The following ASAP2 variants were observed in gnomAD, a reference collection of about 807,000 sequenced individuals.
ASAP2 encodes ArfGAP with SH3 domain, ankyrin repeat and PH domain 2, also known as arf-GAP with SH3 domain, ANK repeat and PH domain-containing protein 2.
A neutral mutation model predicts 131.4 loss-of-function variants in ASAP2; 45 were observed. The ratio of observed to expected loss-of-function variants is 0.34; its 90% CI spans 0.27 to 0.44. The LOEUF (loss-of-function observed/expected upper bound fraction) is 0.44. ASAP2 is among the 20% of genes least tolerant of loss of function. ASAP2 has a pLI of 1.00. For synonymous variants in ASAP2, 510 were observed against 503.0 expected, an observed-to-expected ratio of 1.01 and a Z score of -0.19; for missense variants, 1,011 against 1,297.0, an observed-to-expected ratio of 0.78 and a Z score of 3.39.
At chr2:9,377,574 C>T (rs1466564198) in intron 18 of ASAP2, among the ~76,000 whole-genome samples, 1 of 152,186 alleles carries the variant, frequency 6.6e-6, no homozygotes, top group African/African-American at 2.4e-5. Flanking sequence ...GTGTTACCTG[C>T]CTGGCAGCTG....
At chr2:9,323,004 G>T in intron 5 of ASAP2, 117 bp from the exon 6 acceptor site, 1 of 1,271,190 alleles carries the variant, frequency 7.9e-7, no homozygotes, top group Non-Finnish European at 1.1e-6. Flanking sequence ...GGCTGCCTGT[G>T]CTGAAACGTG....
intron 24 of ASAP2, 139 bp from the exon 25 acceptor site, chr2:9,399,884 A>G (rs1676477960): frequency 2.5e-6 from 2 of 792,824 alleles, no homozygotes; most frequent in South Asian, 1.7e-5. Context: ...CCCATAAAAA[A>G]GAGACAGCTA....
intron 1 of ASAP2, among the ~76,000 whole-genome samples, chr2:9,240,688 A>C (rs986942850): frequency 6.6e-5 from 10 of 152,146 alleles, no homozygotes; most frequent in African/African-American, 2.4e-4. Context: ...TAGAAGACCC[A>C]CTTTTCCCTT....
At position 9,261,526 on chromosome 2, in the gene ASAP2, A is replaced by G. The variant is rs529782736; in HGVS notation, c.127-17791A>G. 2.4e-3 allele frequency among the ~76,000 whole-genome samples: 359 copies of G among 152,336 alleles called. 1 individual carries two copies. Among genetic ancestry groups the G allele is most frequent in the African/African-American group, 8.1e-3 (336 of 41,578 alleles). ...TGTATGGTAGTTGGAGTTGGGCCCT[A>G]GGTGTGATTTTAGAGTACACACCTA... On this transcript the variant is annotated intron_variant, in intron 1 of 27. Transcript: ENST00000281419.
chr2:9,223,692 C>G (rs1213621149), intron 1 of ASAP2, among the ~76,000 whole-genome samples: 1 of 152,290 alleles, frequency 6.6e-6, no homozygotes, highest in East Asian at 1.9e-4. Flanking sequence ...TTTTGTTTCC[C>G]TGTAGGTCAG....
chr2:9,400,207 C>CCTCCTGCCCCCTCCT, intron 25 of ASAP2, 135 bp downstream of exon 25: 1 of 878,258 alleles, frequency 1.1e-6, no homozygotes, highest in African/African-American at 1.7e-5. Context: ...TGCCCCCTCC[C>CCTCCTGCCCCCTCCT]CTCCTGCCCC....
At chr2:9,379,498 T>C (rs1364075162) in intron 19 of ASAP2, among the ~76,000 whole-genome samples, 1 of 152,138 alleles carries the variant, frequency 6.6e-6, no homozygotes, top group Admixed American at 6.5e-5. Context: ...GCACCACTGC[T>C]TCCTCCATGA....
chr2:9,234,131 A>G lies in ASAP2; in HGVS notation c.126+26901A>G, dbSNP rs991473010. ...GTCTCAAAAAAAAAAAAAAAAAAAA[A>G]GGAAGAGGGGAGTGGTTCACAGAGG... On this transcript the variant is annotated intron_variant, in intron 1 of 27. Coordinates refer to ENST00000281419, the MANE Select transcript of ASAP2 (RefSeq NM_003887.3). 2.8e-5 allele frequency among the ~76,000 whole-genome samples: 4 copies of G among 141,864 alleles called. No individual in the cohort carries two copies. The South Asian group carries it at 6.8e-4, about 24-fold the overall frequency. 93.1% of individuals were successfully genotyped at this position (141,864 alleles called of 152,430 possible). A position where few individuals can be genotyped will look rare whatever the true frequency, so the allele number is the denominator to read the frequency against.
intron 1 of ASAP2, among the ~76,000 whole-genome samples, chr2:9,276,576 T>C (rs1015593452): frequency 6.6e-6 from 1 of 152,086 alleles, no homozygotes; most frequent in Admixed American, 6.5e-5. Context: ...CTCACCCTGT[T>C]GCCCAGGCTG....
At chr2:9,327,936 C>G in intron 7 of ASAP2, 25 bp downstream of exon 7, 1 of 1,527,026 alleles carries the variant, frequency 6.5e-7, no homozygotes, top group East Asian at 2.5e-5. Flanking sequence ...GTTATGTTAT[C>G]TTAAATGTTT....
At chr2:9,380,900 G>T in intron 20 of ASAP2, 92 bp downstream of exon 20, 2 of 1,352,966 alleles carry the variant, frequency 1.5e-6, no homozygotes, top group Non-Finnish European at 2.1e-6. Context: ...CTGTGAACCA[G>T]TGTCCTGAGC....
At chr2:9,244,416 G>A (rs1664194061) in intron 1 of ASAP2, among the ~76,000 whole-genome samples, 1 of 152,236 alleles carries the variant, frequency 6.6e-6, no homozygotes, top group African/African-American at 2.4e-5. Context: ...TTAAGTGGAT[G>A]TTAATCTAAG....
At chr2:9,264,830 T>TA (rs1665831532) in intron 1 of ASAP2, among the ~76,000 whole-genome samples, 1 of 152,260 alleles carries the variant, frequency 6.6e-6, no homozygotes, top group East Asian at 1.9e-4. Context: ...TAAAAACTAA[T>TA]ACAGCAATTT....
In ASAP2 at chr2:9,356,042, T is replaced by G; in HGVS notation, c.1112-5T>G. Reference sequence around the variant, plus strand: ...CTCACAGTTGAAATTCCTCTTGCTATGCAGATGACAGAACTTACCACTTTC... The same window carrying G: ...CTCACAGTTGAAATTCCTCTTGCTAGGCAGATGACAGAACTTACCACTTTC... On this transcript the variant is annotated splice_polypyrimidine_tract_variant and splice_region_variant and intron_variant, in intron 12 of 27. Coordinates refer to ENST00000281419, the MANE Select transcript of ASAP2 (RefSeq NM_003887.3). 6.2e-7 allele frequency: 1 copy of G among 1,614,180 alleles called. No individual in the cohort carries two copies. Among genetic ancestry groups the G allele is most frequent in the Non-Finnish European group, 8.5e-7 (1 of 1,180,008 alleles).
intron 1 of ASAP2, among the ~76,000 whole-genome samples, chr2:9,234,898 A>T (rs1031778600): frequency 6.6e-6 from 1 of 152,128 alleles, no homozygotes; most frequent in African/African-American, 2.4e-5. Context: ...GGATTTCTAG[A>T]AATACCCTAT....
At chr2:9,376,823 A>T in intron 17 of ASAP2, 85 bp from the exon 18 acceptor site, 1 of 1,204,032 alleles carries the variant, frequency 8.3e-7, no homozygotes, top group Non-Finnish European at 1.2e-6. Flanking sequence ...GACTTTTGGA[A>T]GAGTTGTACA....
chr2:9,271,681 G>A (rs1439902886), intron 1 of ASAP2: 19 of 595,918 alleles, frequency 3.2e-5, no homozygotes, highest in Non-Finnish European at 5.1e-5. Context: ...ACGGCGGGCA[G>A]AGGGTACGGA....
At chr2:9,283,756 T>C (rs1040929952) in intron 2 of ASAP2, among the ~76,000 whole-genome samples, 1 of 152,176 alleles carries the variant, frequency 6.6e-6, no homozygotes, top group African/African-American at 2.4e-5. Flanking sequence ...AGGGCTCTCC[T>C]CTCCTTCCTG....
intron 1 of ASAP2, among the ~76,000 whole-genome samples, chr2:9,263,935 T>C (rs1665757809): frequency 6.6e-6 from 1 of 152,132 alleles, no homozygotes; most frequent in South Asian, 2.1e-4. Context: ...CTCACACCTG[T>C]AATCCCAGCA....
Sources: gnomAD v4.1 joint callset for allele counts (sites outside exome capture counted in the v4.1 genomes callset) on GRCh38, gnomAD v4.1.1 for gene constraint, MANE v1.5 for transcripts, NCBI Gene and HGNC (gene_info 2026-07-23, HGNC 2026-07-21) for gene names.